The following SYNE2 variants were observed in gnomAD, a reference collection of about 807,000 sequenced individuals.
SYNE2 encodes the protein spectrin repeat containing nuclear envelope protein 2.
Under a neutral mutation model 856.3 loss-of-function variants are expected in SYNE2, and 431 were observed. The observed-to-expected ratio is 0.50, with a 90% confidence interval of 0.47 to 0.55. The LOEUF (loss-of-function observed/expected upper bound fraction) is 0.55. Ranked by LOEUF, SYNE2 falls within the 20% of genes least tolerant of loss-of-function variation. SYNE2 has a pLI of 0.00. For synonymous variants in SYNE2, 2,923 were observed against 2,872.3 expected, an observed-to-expected ratio of 1.02 and a Z score of -0.56; for missense variants, 8,129 against 8,023.2, an observed-to-expected ratio of 1.01 and a Z score of -0.50.
rs1888327950 is a variant in SYNE2 at position 63,805,513 on chromosome 14, GAGT to G, written c.-305+43530_-305+43532del. On this transcript the variant is annotated intron_variant, in intron 1 of 23. Coordinates refer to the SYNE2 transcript ENST00000674003. ...GCCATTCTCCTGCCTCAGCCTCTCC[GAGT>G]AGCTGGGACTACAGGCGCCCGCCAC... 2.6e-5 allele frequency among the ~76,000 whole-genome samples: 4 copies of G among 152,064 alleles called. 1 individual carries two copies. The South Asian group carries it at 8.3e-4, about 31-fold the overall frequency.
chr14:64,027,750 T>A lies in SYNE2; in HGVS notation c.6671T>A (p.Leu2224Gln). ...CCCAGCTTCAGTGAAGAGCCTTGGCTGGAAATAAAGCATCTACACGAAAGT... is the reference window on the plus strand; with the variant it reads ...CCCAGCTTCAGTGAAGAGCCTTGGCAGGAAATAAAGCATCTACACGAAAGT... ...KNPSFSEEPW[L>Q]EIKHLHESLL... The change falls in exon 43 of 116, where the codon CTG becomes CAG. Residue 2224 changes from leucine (L) to glutamine (Q), a missense_variant. Leu to Gln is a moderately radical substitution (Grantham distance 113, BLOSUM62 -2). Around this residue, in one of 3 missense-constraint regions of SYNE2, gnomAD observed 297 missense variants for 380.9 expected, o/e 0.78. Transcript: ENST00000555002. 1.2e-6 allele frequency: 2 copies of A among 1,613,842 alleles called. No individual in the cohort carries two copies. Among genetic ancestry groups the A allele is most frequent in the Non-Finnish European group, 8.5e-7 (1 of 1,179,956 alleles).
At chr14:64,084,358 C>T (rs1286624241) in intron 57 of SYNE2, 2 of 152,268 alleles carry the variant, frequency 1.3e-5, no homozygotes, top group African/African-American at 4.8e-5. Flanking sequence ...ATATAAGGAA[C>T]ATCTCCATCT....
intron 28 of SYNE2, among the ~76,000 whole-genome samples, chr14:64,000,980 C>CA (rs1392388250): frequency 2.0e-5 from 3 of 152,196 alleles, no homozygotes; most frequent in Admixed American, 1.3e-4. Flanking sequence ...TCAGAGGCCA[C>CA]ACAGTCTTTC....
chr14:64,160,940 C>T (rs1251848952), intron 87 of SYNE2, among the ~76,000 whole-genome samples: 2 of 151,718 alleles, frequency 1.3e-5, no homozygotes, highest in Non-Finnish European at 2.9e-5. Flanking sequence ...AGGAATTTAG[C>T]AATTAAACTA....
chr14:63,895,539 G>A (rs1325842411), intron 1 of SYNE2, among the ~76,000 whole-genome samples: 11 of 147,984 alleles, frequency 7.4e-5, no homozygotes, highest in African/African-American at 1.7e-4. Context: ...GGTCACTTAA[G>A]CCTGGGAGTT....
chr14:64,044,664 G>C (rs1452242884), intron 45 of SYNE2, among the ~76,000 whole-genome samples: 6 of 152,128 alleles, frequency 3.9e-5, no homozygotes, highest in Non-Finnish European at 8.8e-5. Flanking sequence ...ATTGAATTAT[G>C]GGGGTGGATC....
chr14:64,009,556 AAAAG>A (rs2096827802), intron 31 of SYNE2, among the ~76,000 whole-genome samples: 1 of 151,242 alleles, frequency 6.6e-6, no homozygotes, highest in African/African-American at 2.4e-5. Flanking sequence ...AAAAAAAAAA[AAAAG>A]AGAATAGATA....
intron 1 of SYNE2, among the ~76,000 whole-genome samples, chr14:63,807,819 TTATATATATATATA>T (rs71120288): frequency 0.067 from 1,697 of 25,474 alleles, 147 homozygotes; most frequent in East Asian, 0.11. Flanking sequence ...TACTCCAGGC[TTATATATATATATA>T]TATATATATA....
At chr14:63,913,102 G>A (rs1464163802) in intron 2 of SYNE2, among the ~76,000 whole-genome samples, 1 of 151,908 alleles carries the variant, frequency 6.6e-6, no homozygotes, top group East Asian at 1.9e-4. Flanking sequence ...CCTGGCTAAC[G>A]TTTTTATTTT....
intron 100 of SYNE2, among the ~76,000 whole-genome samples, chr14:64,207,469 G>A (rs984183619): frequency 5.3e-5 from 8 of 151,790 alleles, no homozygotes; most frequent in African/African-American, 9.7e-5. Flanking sequence ...GCTGATGTGG[G>A]AGGATCACTT....
chr14:63,907,167 C>T lies in SYNE2; in HGVS notation c.-51-1931C>T, dbSNP rs1165345804. ...CTTTGCTCTCAGAGTACCTTCTGTACTTATTAGAGGATTTTGCTTAATATT... is the reference window on the plus strand; with the variant it reads ...CTTTGCTCTCAGAGTACCTTCTGTATTTATTAGAGGATTTTGCTTAATATT... On this transcript the variant is annotated intron_variant, in intron 1 of 115. Transcript: ENST00000555002. Among the ~76,000 whole-genome samples the T allele has an allele frequency of 2.0e-5, 3 of 152,190 alleles. 1 individual carries two copies. The highest frequency in any genetic ancestry group is 2.0e-4 in the Admixed American group (3 of 15,274).
At chr14:64,046,029 T>C (rs926727401) in intron 45 of SYNE2, among the ~76,000 whole-genome samples, 1 of 152,240 alleles carries the variant, frequency 6.6e-6, no homozygotes, top group African/African-American at 2.4e-5. Context: ...ACCTCAAAGA[T>C]TCTATGGACA....
At chr14:64,095,761 T>C (rs1357791050) in intron 61 of SYNE2, among the ~76,000 whole-genome samples, 1 of 152,188 alleles carries the variant, frequency 6.6e-6, no homozygotes, top group Non-Finnish European at 1.5e-5. Flanking sequence ...TAAAAATACA[T>C]ACTGCTGTGG....
intron 2 of SYNE2, among the ~76,000 whole-genome samples, chr14:63,936,696 G>A (rs190614983): frequency 6.6e-6 from 1 of 152,198 alleles, no homozygotes; most frequent in East Asian, 1.9e-4. Context: ...GTGAAGGGAG[G>A]AGCCCTTGCA....
At chr14:64,121,169 C>T in intron 68 of SYNE2, 108 bp downstream of exon 68, 2 of 1,492,742 alleles carry the variant, frequency 1.3e-6, no homozygotes, top group East Asian at 2.3e-5. Flanking sequence ...GTGGGAGGAT[C>T]ACCTGTGGCC....
chr14:63,790,905 A>G (rs1233371947), intron 1 of SYNE2, among the ~76,000 whole-genome samples: 6 of 152,148 alleles, frequency 3.9e-5, no homozygotes, highest in Non-Finnish European at 8.8e-5. Flanking sequence ...GAAACACAGT[A>G]CAGAACAGAA....
intron 64 of SYNE2, among the ~76,000 whole-genome samples, chr14:64,103,171 A>G (rs1031029703): frequency 1.3e-5 from 2 of 152,090 alleles, no homozygotes; most frequent in African/African-American, 4.8e-5. Flanking sequence ...TTCTATTTCT[A>G]TTGTGTACTT....
intron 2 of SYNE2, among the ~76,000 whole-genome samples, chr14:63,916,246 A>T (rs8010312): frequency 0.39 from 59,106 of 152,100 alleles, 14,139 homozygotes; most frequent in South Asian, 0.53. Context: ...TTTATGTTTC[A>T]TTTTTATGGA....
intron 66 of SYNE2, among the ~76,000 whole-genome samples, chr14:64,116,391 T>C (rs982602240): frequency 2.0e-5 from 3 of 152,324 alleles, no homozygotes; most frequent in African/African-American, 7.2e-5. Flanking sequence ...TGTCAACATA[T>C]AAGCTGTTCA....
Sources: gnomAD v4.1 joint callset for allele counts (sites outside exome capture counted in the v4.1 genomes callset) on GRCh38, gnomAD v4.1.1 for gene constraint, gnomAD v4.1.1 regional missense constraint, MANE v1.5 for transcripts, NCBI Gene and HGNC (gene_info 2026-07-23, HGNC 2026-07-21) for gene names.